FAM227B: variants seen among roughly 807,000 people sequenced by gnomAD.
FAM227B encodes the protein protein FAM227B.
A neutral mutation model predicts 73.8 loss-of-function variants in FAM227B; 88 were observed. That is an observed-to-expected ratio of 1.19 (90% CI 1.00 to 1.42). The LOEUF is 1.42. Ranked by LOEUF, FAM227B falls within the 40% of genes most tolerant of loss-of-function variation. FAM227B has a pLI of 0.00. For missense variants in FAM227B, 632 were observed against 590.9 expected, an observed-to-expected ratio of 1.07 and a Z score of -0.72; for synonymous variants, 210 against 190.5, an observed-to-expected ratio of 1.10 and a Z score of -0.84.
At position 49,384,416 on chromosome 15, in the gene FAM227B, C is replaced by T. The variant is rs114094995; in HGVS notation, c.1013-13017G>A. ...AATGCCTGGAATACAAGGATGAAGA[C>T]AGGGCTCACTGTCTGTGGGGATGGG... On this transcript the variant is annotated intron_variant, in intron 11 of 15. Coordinates refer to ENST00000299338, the MANE Select transcript of FAM227B (RefSeq NM_152647.3). Among the ~76,000 whole-genome samples, 523 of 152,074 alleles carry T rather than the reference C, an allele frequency of 3.4e-3. 3 individuals carry two copies. Among genetic ancestry groups the T allele is most frequent in the African/African-American group, 0.012 (512 of 41,514 alleles).
intron 11 of FAM227B, chr15:49,396,239 G>T (rs1048117124): frequency 9.8e-4 from 345 of 350,888 alleles, no homozygotes; most frequent in Non-Finnish European, 1.3e-3. Context: ...GGTGACGGAC[G>T]GCACCTGGAA....
At chr15:49,362,606 G>A (rs551448012) in intron 13 of FAM227B, among the ~76,000 whole-genome samples, 17 of 152,268 alleles carry the variant, frequency 1.1e-4, no homozygotes, top group African/African-American at 3.1e-4. Context: ...CTTTTGCTGC[G>A]CAGAAGGTCT....
intron 11 of FAM227B, among the ~76,000 whole-genome samples, chr15:49,450,675 T>C (rs533340660): frequency 1.3e-5 from 2 of 152,272 alleles, no homozygotes; most frequent in East Asian, 3.9e-4. Flanking sequence ...AAAAACTTCC[T>C]TATGCCTCTT....
At chr15:49,568,469 G>T in intron 8 of FAM227B, 123 bp from the exon 9 acceptor site, 1 of 774,898 alleles carries the variant, frequency 1.3e-6, no homozygotes, top group Non-Finnish European at 2.0e-6. Context: ...ATCAGCATGG[G>T]TTTTCGCATA....
At position 49,568,357 on chromosome 15, in the gene FAM227B, T is replaced by G; in HGVS notation, c.646-11A>C. ...GTTTTCTCTGTCAGGCTTAAAAAAA[T>G]GTGTGAAATTAAAGTCAATATTACA... On this transcript the variant is annotated splice_polypyrimidine_tract_variant and intron_variant, in intron 8 of 15. Coordinates refer to ENST00000299338, the MANE Select transcript of FAM227B (RefSeq NM_152647.3). 3 of 1,556,204 alleles carry G rather than the reference T, an allele frequency of 1.9e-6. No homozygotes were observed. The highest frequency in any genetic ancestry group is 2.6e-6 in the Non-Finnish European group (3 of 1,136,802).
At chr15:49,554,142 T>C (rs543366540) in intron 9 of FAM227B, among the ~76,000 whole-genome samples, 1 of 152,214 alleles carries the variant, frequency 6.6e-6, no homozygotes, top group East Asian at 1.9e-4. Context: ...TGATGCCCTA[T>C]CCTGCTGGGG....
At chr15:49,457,589 A>C (rs983482428) in intron 11 of FAM227B, among the ~76,000 whole-genome samples, 1 of 152,012 alleles carries the variant, frequency 6.6e-6, no homozygotes, top group African/African-American at 2.4e-5. Flanking sequence ...ATTTCTCAAG[A>C]GGAAAGAAAA....
At chr15:49,571,129 C>A (rs1345175094) in intron 8 of FAM227B, among the ~76,000 whole-genome samples, 1 of 151,500 alleles carries the variant, frequency 6.6e-6, no homozygotes. Flanking sequence ...ATTCTACTTT[C>A]AGTTTTTTTG....
At position 49,328,411 on chromosome 15, in the gene FAM227B, G is replaced by A; in HGVS notation, c.*157C>T. The A allele has an allele frequency of 2.1e-6, 3 of 1,431,930 alleles. No individual in the cohort carries two copies. Among genetic ancestry groups the A allele is most frequent in the Middle Eastern group, 2.4e-4 (1 of 4,172 alleles). The allele number at this position is 1,431,930 out of a possible 1,614,324, so 88.7% of individuals were successfully genotyped here. A position where few individuals can be genotyped will look rare whatever the true frequency, so the allele number is the denominator to read the frequency against. On this transcript the variant is annotated 3_prime_UTR_variant, in exon 16 of 16. Transcript: ENST00000299338. The stretch of plus-strand genomic sequence containing the variant: ...ACAGATCTTTTAAGAATAACTTACT[G>A]AGATTTATTGATTTGAAGATTTTAA...
intron 11 of FAM227B, among the ~76,000 whole-genome samples, chr15:49,436,680 A>AT (rs200066768): frequency 0.15 from 22,894 of 151,500 alleles, 2,229 homozygotes; most frequent in Non-Finnish European, 0.21. Flanking sequence ...GGCTCACAGA[A>AT]TTAAGTAACT....
At chr15:49,477,352 T>A (rs1183050274) in intron 11 of FAM227B, among the ~76,000 whole-genome samples, 1 of 152,226 alleles carries the variant, frequency 6.6e-6, no homozygotes, top group Non-Finnish European at 1.5e-5. Flanking sequence ...TCTGCTCTCC[T>A]CAAGGCCCTT....
intron 8 of FAM227B, among the ~76,000 whole-genome samples, chr15:49,573,592 CCT>C (rs1272979335): frequency 6.6e-6 from 1 of 151,798 alleles, no homozygotes; most frequent in Non-Finnish European, 1.5e-5. Context: ...TTGCTTGTTC[CCT>C]CTCTCACTCT....
At chr15:49,434,668 T>C (rs977849964) in intron 11 of FAM227B, 8 of 151,654 alleles carry the variant, frequency 5.3e-5, no homozygotes, top group Admixed American at 4.0e-4. Flanking sequence ...AGGTTTTTTT[T>C]CTATTAAAAA....
intron 11 of FAM227B, among the ~76,000 whole-genome samples, chr15:49,376,704 T>C (rs1421094271): frequency 2.0e-5 from 3 of 152,094 alleles, no homozygotes; most frequent in African/African-American, 7.2e-5. Context: ...TGGGGAGTAT[T>C]GTATTAACAA....
At chr15:49,499,285 T>C (rs980283536) in intron 11 of FAM227B, among the ~76,000 whole-genome samples, 1 of 151,848 alleles carries the variant, frequency 6.6e-6, no homozygotes, top group African/African-American at 2.4e-5. Context: ...AAATAAAAAG[T>C]TTTTTCCTAT....
intron 13 of FAM227B, among the ~76,000 whole-genome samples, chr15:49,346,626 G>C (rs2041549055): frequency 6.6e-6 from 1 of 152,124 alleles, no homozygotes; most frequent in African/African-American, 2.4e-5. Flanking sequence ...GAAGCTTCAG[G>C]AGGCTTTGCT....
At chr15:49,455,487 T>C (rs888886046) in intron 11 of FAM227B, among the ~76,000 whole-genome samples, 1 of 152,166 alleles carries the variant, frequency 6.6e-6, no homozygotes, top group African/African-American at 2.4e-5. Context: ...ATAATGGGCA[T>C]GATACCATAC....
rs555564969 is a variant in FAM227B, at chr15:49,378,622, T to C, written c.1013-7223A>G. 9.2e-5 allele frequency among the ~76,000 whole-genome samples: 14 copies of C among 152,304 alleles called. No homozygotes were observed. The South Asian group carries it at 2.3e-3, about 25-fold the overall frequency. ...ATTCAGATTGTTCACCGTTGGCATA[T>C]AGATGTGCTACTGATTTTTGTTTGT... On this transcript the variant is annotated intron_variant, in intron 11 of 15. Transcript: ENST00000299338.
chr15:49,476,603 T>TA (rs1481342950), intron 11 of FAM227B, among the ~76,000 whole-genome samples: 1 of 131,444 alleles, frequency 7.6e-6, no homozygotes, highest in East Asian at 2.3e-4. Context: ...TAATAGTAAT[T>TA]AATAAATCAC....
Sources: allele counts gnomAD v4.1 joint callset (sites outside exome capture counted in the v4.1 genomes callset), GRCh38; gene constraint gnomAD v4.1.1; transcripts MANE v1.5; gene names NCBI Gene and HGNC (gene_info 2026-07-23, HGNC 2026-07-21).